Variants in DPP6 observed in about 807,000 individuals in gnomAD.
DPP6 encodes the protein dipeptidyl peptidase like 6.
A neutral mutation model predicts 122.6 loss-of-function variants in DPP6; 69 were observed. The observed-to-expected ratio is 0.56, with a 90% CI of 0.46 to 0.69. The LOEUF is 0.69. DPP6 is among the 30% of genes least tolerant of loss of function. The pLI is 0.00. For synonymous variants in DPP6, 418 were observed against 433.1 expected (o/e 0.97, Z 0.43); for missense variants, 928 against 1,116.9 (o/e 0.83, Z 2.41).
At chr7:154,400,238 A>G (rs1016629799) in intron 1 of DPP6, among the ~76,000 whole-genome samples, 7 of 152,182 alleles carry the variant, frequency 4.6e-5, no homozygotes, top group Admixed American at 2.0e-4. Flanking sequence ...TGGCCACAGC[A>G]AAGAGAGGTA....
intron 5 of DPP6, among the ~76,000 whole-genome samples, chr7:154,623,655 G>A (rs13310046): frequency 1.5e-3 from 35 of 23,516 alleles, no homozygotes; most frequent in East Asian, 2.5e-3. Flanking sequence ...GCACACACGC[G>A]CACACACACG....
At chr7:154,148,805 C>T (rs549652894) in intron 1 of DPP6, among the ~76,000 whole-genome samples, 122 of 152,324 alleles carry the variant, frequency 8.0e-4, no homozygotes, top group African/African-American at 2.5e-3. Flanking sequence ...GCTGTTCTCA[C>T]GCCTGCTGAG....
intron 1 of DPP6, among the ~76,000 whole-genome samples, chr7:154,351,466 A>G (rs1272662400): frequency 1.3e-5 from 2 of 152,072 alleles, no homozygotes; most frequent in Non-Finnish European, 2.9e-5. Flanking sequence ...AAGACAGGGG[A>G]TTAGAGATCA....
chr7:153,927,040 G>A (rs761309293), intron 1 of DPP6, among the ~76,000 whole-genome samples: 10 of 151,598 alleles, frequency 6.6e-5, no homozygotes, highest in Non-Finnish European at 1.3e-4. Context: ...ATAATTGGCT[G>A]GGCATGGTGA....
At chr7:154,444,146 C>G (rs77234679) in intron 1 of DPP6, among the ~76,000 whole-genome samples, 28,988 of 151,924 alleles carry the variant, frequency 0.19, 3,889 homozygotes, top group African/African-American at 0.39. Flanking sequence ...GCATATAGAC[C>G]AGAAATAGAA....
intron 1 of DPP6, among the ~76,000 whole-genome samples, chr7:154,386,878 T>G (rs894659760): frequency 2.0e-5 from 3 of 152,066 alleles, no homozygotes; most frequent in Non-Finnish European, 4.4e-5. Context: ...GAAATAAAAG[T>G]GCATGGAGCC....
At chr7:153,838,749 G>A in the DPP6 span, among the ~76,000 whole-genome samples, 1 of 152,188 alleles carries the variant, frequency 6.6e-6, no homozygotes. Flanking sequence ...TAATGGCTAG[G>A]TCAAAGTACT....
At chr7:153,802,443 A>G in the DPP6 span, among the ~76,000 whole-genome samples, 2 of 152,134 alleles carry the variant, frequency 1.3e-5, no homozygotes, top group African/African-American at 2.4e-5. Context: ...ATTTCCAAAT[A>G]AGAATTCTGT....
chr7:154,305,484 C>T, intron 1 of DPP6: 1 of 1,598,056 alleles, frequency 6.3e-7, no homozygotes, highest in Non-Finnish European at 8.5e-7. Flanking sequence ...TGGGAAGCGC[C>T]TGGACAGACC....
At chr7:154,741,860 A>G (rs1381999944) in intron 8 of DPP6, among the ~76,000 whole-genome samples, 1 of 152,344 alleles carries the variant, frequency 6.6e-6, no homozygotes, top group Non-Finnish European at 1.5e-5. Context: ...ACCCACCGCC[A>G]TGTGGCTCCC....
intron 2 of DPP6, among the ~76,000 whole-genome samples, chr7:154,471,355 A>G (rs1421409220): frequency 4.7e-4 from 72 of 152,214 alleles, no homozygotes; most frequent in Admixed American, 4.7e-3. Flanking sequence ...AAGAAGGAAC[A>G]GGTAAAAACC....
intron 1 of DPP6, among the ~76,000 whole-genome samples, chr7:153,909,949 T>C (rs1307453224): frequency 6.6e-6 from 1 of 152,102 alleles, no homozygotes. Context: ...TAAGGGGCCA[T>C]TCACCCGCCC....
intron 1 of DPP6, among the ~76,000 whole-genome samples, chr7:153,929,531 C>T (rs1209461103): frequency 2.0e-5 from 3 of 151,964 alleles, no homozygotes; most frequent in South Asian, 4.2e-4. Context: ...ATGTTTACAG[C>T]CTTAAGATGG....
chr7:154,128,374 A>G (rs532771768), intron 1 of DPP6, among the ~76,000 whole-genome samples: 70 of 152,296 alleles, frequency 4.6e-4, no homozygotes, highest in African/African-American at 1.6e-3. Flanking sequence ...GAGCCCAGGA[A>G]TTCGAGACTG....
intron 6 of DPP6, among the ~76,000 whole-genome samples, chr7:154,660,709 CGCT>C (rs1837604714): frequency 3.0e-5 from 3 of 101,398 alleles, no homozygotes; most frequent in African/African-American, 8.9e-5. Context: ...GGCATATTGG[CGCT>C]AGTATTCATA....
intron 1 of DPP6, among the ~76,000 whole-genome samples, chr7:154,377,487 G>A (rs566893725): frequency 6.6e-6 from 1 of 152,212 alleles, no homozygotes; most frequent in Admixed American, 6.5e-5. Context: ...CAAATCTCAT[G>A]TTGAATTGTA....
At chr7:154,067,523 G>C (rs1411604170) in intron 1 of DPP6, among the ~76,000 whole-genome samples, 2 of 152,116 alleles carry the variant, frequency 1.3e-5, no homozygotes, top group Non-Finnish European at 2.9e-5. Context: ...CTGGAGACTC[G>C]TGCATGTGGG....
At chr7:154,409,869 T>G (rs1019497686) in intron 1 of DPP6, among the ~76,000 whole-genome samples, 1 of 152,216 alleles carries the variant, frequency 6.6e-6, no homozygotes, top group Non-Finnish European at 1.5e-5. Context: ...TTCTTGCCTG[T>G]TAAGCATGGC....
At chr7:154,756,307 C>A (rs1012097319) in intron 8 of DPP6, among the ~76,000 whole-genome samples, 3 of 152,168 alleles carry the variant, frequency 2.0e-5, no homozygotes, top group Non-Finnish European at 4.4e-5. Flanking sequence ...TCTTCCCTTG[C>A]GGCTTCCTCT....
Sources: gnomAD v4.1 joint callset for allele counts (sites outside exome capture counted in the v4.1 genomes callset) on GRCh38, gnomAD v4.1.1 for gene constraint, MANE v1.5 for transcripts, NCBI Gene and HGNC (gene_info 2026-07-23, HGNC 2026-07-21) for gene names.